IL16: variants seen among roughly 807,000 people sequenced by gnomAD.
IL16 encodes the protein interleukin 16.
IL16 carries 67 observed loss-of-function variants against 110.1 expected under a neutral mutation model. The ratio of observed to expected loss-of-function variants is 0.61; its 90% CI spans 0.50 to 0.75. IL16 has a LOEUF of 0.75. IL16 is among the 30% of genes least tolerant of loss of function. The pLI, the probability that IL16 is intolerant of heterozygous loss-of-function variation, is 0.00. For missense variants in IL16, 1,545 were observed against 1,655.0 expected (o/e 0.93, Z 1.15); for synonymous variants, 689 against 662.9 (o/e 1.04, Z -0.61).
chr15:81,202,679 A>G (rs953174264), intron 1 of IL16, among the ~76,000 whole-genome samples: 21 of 152,296 alleles, frequency 1.4e-4, no homozygotes, highest in African/African-American at 4.8e-4. Flanking sequence ...GCTGCATAGT[A>G]TTCCATGGTG....
intron 2 of IL16, among the ~76,000 whole-genome samples, chr15:81,252,795 T>C (rs1177748495): frequency 3.9e-5 from 6 of 152,242 alleles, no homozygotes; most frequent in African/African-American, 1.4e-4. Context: ...CTCATCCATG[T>C]TGTAGCATGT....
At chr15:81,194,467 AT>A (rs1297392827), upstream of IL16, among the ~76,000 whole-genome samples, 14 of 151,288 alleles carry the variant, frequency 9.3e-5, no homozygotes, top group Admixed American at 3.3e-4. Context: ...TGTAATTTTA[AT>A]TTTTAAAAAT....
chr15:81,185,678 A>C (rs959878934), intron 1 of IL16, among the ~76,000 whole-genome samples: 2 of 152,184 alleles, frequency 1.3e-5, no homozygotes, highest in African/African-American at 2.4e-5. Flanking sequence ...GGACACATTA[A>C]ACAAACAACT....
chr15:81,308,976 C>T lies in IL16; in HGVS notation c.*178C>T. On this transcript the variant is annotated 3_prime_UTR_variant, in exon 19 of 19. Transcript: ENST00000683961. ...GACGCCACCCAGCAAAAGGTTGTTC[C>T]TAAAATAAGGGCAGAGTCACACGGG... 1 of 524,180 alleles carries T rather than the reference C, an allele frequency of 1.9e-6. No individual in the cohort carries two copies. The highest frequency in any genetic ancestry group is 3.4e-6 in the Non-Finnish European group (1 of 297,726). 32.5% of individuals were successfully genotyped at this position (524,180 alleles called of 1,614,324 possible).
intron 1 of IL16, among the ~76,000 whole-genome samples, chr15:81,208,358 T>G (rs1896112657): frequency 6.6e-6 from 1 of 152,240 alleles, no homozygotes; most frequent in South Asian, 2.1e-4. Context: ...TCTTTTGCTG[T>G]GCAGAAGCTC....
intron 12 of IL16, among the ~76,000 whole-genome samples, chr15:81,294,681 G>C (rs1899900387): frequency 6.6e-6 from 1 of 152,172 alleles, no homozygotes; most frequent in African/African-American, 2.4e-5. Flanking sequence ...GCTCTGGTCT[G>C]TCCCACGTGG....
At position 81,308,768 on chromosome 15, in the gene IL16, C is replaced by T; in HGVS notation, c.3969C>T (p.Ser1323=). The T allele has an allele frequency of 6.2e-7, 1 of 1,613,704 alleles. No homozygotes were observed. The highest frequency in any genetic ancestry group is 8.5e-7 in the Non-Finnish European group (1 of 1,179,880). Residue 1323 remains serine, a synonymous_variant, in exon 19 of 19, where the codon TCC becomes TCT. Transcript: ENST00000683961. Reference sequence around the variant, plus strand: ...TCATCAGGAGAAAAAGCCTCCAGTCCAAGGAAACCACAGCTGCTGGAGACT... The same window carrying T: ...TCATCAGGAGAAAAAGCCTCCAGTCTAAGGAAACCACAGCTGCTGGAGACT... The part of the protein sequence containing the change: ...TIVIRRKSLQ[S]KETTAAGDS
chr15:81,207,963 A>G (rs374621682), intron 1 of IL16, among the ~76,000 whole-genome samples: 7 of 151,988 alleles, frequency 4.6e-5, no homozygotes, highest in East Asian at 3.9e-4. Flanking sequence ...ACTGATTTCC[A>G]TAGTGGCCAA....
chr15:81,204,223 C>G (rs1183300069), intron 1 of IL16, among the ~76,000 whole-genome samples: 1 of 152,064 alleles, frequency 6.6e-6, no homozygotes, highest in African/African-American at 2.4e-5. Flanking sequence ...AGATTTTGGG[C>G]TGAGACGATG....
At chr15:81,249,955 T>C (rs769314464) in intron 2 of IL16, among the ~76,000 whole-genome samples, 32 of 152,212 alleles carry the variant, frequency 2.1e-4, no homozygotes, top group Non-Finnish European at 4.4e-4. Context: ...CATCCATCTA[T>C]TTAATTTTTA....
intron 2 of IL16, among the ~76,000 whole-genome samples, chr15:81,243,654 A>G (rs1442508666): frequency 2.6e-5 from 4 of 152,198 alleles, no homozygotes; most frequent in Non-Finnish European, 5.9e-5. Context: ...TAAATGTTTG[A>G]TAGAATTCTT....
intron 2 of IL16, among the ~76,000 whole-genome samples, chr15:81,236,615 C>T (rs1236765785): frequency 1.3e-5 from 2 of 152,150 alleles, no homozygotes; most frequent in Non-Finnish European, 2.9e-5. Context: ...TTCATTAGCT[C>T]TGGCAGAACT....
chr15:81,273,205 G>T lies in IL16; in HGVS notation c.790+1G>T. 2 of 1,604,428 alleles carry T rather than the reference G, an allele frequency of 1.2e-6. No homozygotes were observed. The highest frequency in any genetic ancestry group is 1.7e-6 in the Non-Finnish European group (2 of 1,173,546). ...GCAGCCGATGGAAGGCTACAGGAAG[G>T]TAGGCTTCCCAGCCCTTTTCAGACC... is the stretch of plus-strand genomic sequence containing the variant. On this transcript the variant is annotated splice_donor_variant, in intron 6 of 18. Transcript: ENST00000683961. LOFTEE classifies it high-confidence loss of function.
rs1050995000 is a variant in IL16, at chr15:81,281,197, C to T, written c.1081+1423C>T. Among the ~76,000 whole-genome samples, 7 of 152,232 alleles carry T rather than the reference C, an allele frequency of 4.6e-5. 1 individual carries two copies. The highest frequency in any genetic ancestry group is 2.6e-4 in the Admixed American group (4 of 15,282). On this transcript the variant is annotated intron_variant, in intron 8 of 18. Coordinates refer to ENST00000683961, the MANE Select transcript of IL16 (RefSeq NM_172217.5). ...AAAATGGGATTGCCAACAATTGTCA[C>T]GGCCTCCCTCATGGGACTGCTGGGA... is the stretch of plus-strand genomic sequence containing the variant.
Position 81,301,477 on chromosome 15 carries a change from G to A in IL16, c.3283G>A (p.Glu1095Lys), listed in dbSNP as rs190681666. 1.1e-4 allele frequency: 182 copies of A among 1,614,084 alleles called. No homozygotes were observed. The highest frequency in any genetic ancestry group is 4.9e-4 in the Middle Eastern group (3 of 6,062). The stretch of plus-strand genomic sequence containing the variant: ...CTCAGAAGAATTAAAAAAACTCATC[G>A]AGGAGGTGAAGGTTCTGGATGAAGC... ...LSSEELKKLIEEVKVLDEATL... is the reference protein window; with the variant it reads ...LSSEELKKLIKEVKVLDEATL... Residue 1095 changes from glutamate to lysine, a missense_variant, in exon 15 of 19, where the codon GAG becomes AAG. Transcript: ENST00000683961.
intron 1 of IL16, among the ~76,000 whole-genome samples, chr15:81,202,289 A>T (rs1895846171): frequency 6.6e-6 from 1 of 152,180 alleles, no homozygotes; most frequent in African/African-American, 2.4e-5. Context: ...GTAGCATCAG[A>T]TGAGTGCTTT....
At chr15:81,227,208 T>C (rs1896817632) in intron 2 of IL16, among the ~76,000 whole-genome samples, 1 of 152,088 alleles carries the variant, frequency 6.6e-6, no homozygotes. Flanking sequence ...ACAGACTCAG[T>C]CCTATTGCAA....
At chr15:81,288,473 A>G (rs1203815131) in intron 10 of IL16, among the ~76,000 whole-genome samples, 20 of 152,232 alleles carry the variant, frequency 1.3e-4, no homozygotes. Flanking sequence ...ATAACATAAA[A>G]TTTACCATCT....
intron 1 of IL16, among the ~76,000 whole-genome samples, chr15:81,221,881 A>G (rs1442664935): frequency 6.6e-6 from 1 of 152,114 alleles, no homozygotes; most frequent in Admixed American, 6.5e-5. Flanking sequence ...TACTCATCAG[A>G]CACTCCTGCA....
Sources: gnomAD v4.1 joint callset for allele counts (sites outside exome capture counted in the v4.1 genomes callset) on GRCh38, gnomAD v4.1.1 for gene constraint, MANE v1.5 for transcripts, NCBI Gene and HGNC (gene_info 2026-07-23, HGNC 2026-07-21) for gene names.